Variants in STS observed in about 807,000 individuals in gnomAD.
STS encodes the protein steryl-sulfatase.
Under a neutral mutation model 26.8 loss-of-function variants are expected in STS, and 7 were observed. The observed-to-expected ratio is 0.26, with a 90% CI of 0.15 to 0.49. The LOEUF is 0.49. STS is among the 20% of genes least tolerant of loss of function. STS has a pLI of 0.98. For synonymous variants in STS, 199 were observed against 189.4 expected, an observed-to-expected ratio of 1.05 and a Z score of -0.42; for missense variants, 434 against 465.6, an observed-to-expected ratio of 0.93 and a Z score of 0.63.
At chrX:7,180,713 G>T (rs1933664235) in intron 1 of STS, among the ~76,000 whole-genome samples, 1 of 112,285 alleles carries the variant, frequency 8.9e-6, no homozygotes, top group Non-Finnish European at 1.9e-5. Flanking sequence ...TAGTGTGGGG[G>T]AGTGGAAATC....
chrX:7,321,566 A>G (rs1444073272), intron 8 of STS, among the ~76,000 whole-genome samples: 1 of 112,504 alleles, frequency 8.9e-6, no homozygotes, highest in East Asian at 2.8e-4. Flanking sequence ...TGAGCTTTTA[A>G]CAATGGAAAT....
chrX:7,319,741 A>T (rs1236006135), intron 8 of STS, among the ~76,000 whole-genome samples: 1 of 107,458 alleles, frequency 9.3e-6, no homozygotes, highest in African/African-American at 3.4e-5. Flanking sequence ...TTCTTTCAGG[A>T]CATAGACAAC....
intron 3 of STS, among the ~76,000 whole-genome samples, chrX:7,254,772 A>G (rs1364721797): frequency 1.8e-5 from 2 of 108,573 alleles, no homozygotes; most frequent in African/African-American, 6.7e-5. Context: ...TTTTGAAGAG[A>G]TGGGGTTTCA....
chrX:7,191,007 G>A lies in STS; in HGVS notation c.-6G>A, dbSNP rs1601639697. 3 of 752,857 alleles carry A rather than the reference G, an allele frequency of 4.0e-6. No individual in the cohort carries two copies. In the East Asian group the frequency reaches 4.5e-4, roughly 114 times the overall value. The allele number at this position is 752,857 out of a possible 1,213,427, so 62.0% of individuals were successfully genotyped here. A position where few individuals can be genotyped will look rare whatever the true frequency, so the allele number is the denominator to read the frequency against. On this transcript the variant is annotated splice_region_variant and 5_prime_UTR_variant, in exon 2 of 11. Coordinates refer to ENST00000674429, the MANE Select transcript of STS (RefSeq NM_001320752.2). ...GCAAGATCGTCTTCAGCTGTTCATA[G>A]CGTAAGTATGAGAGGTGCATATGTT...
At chrX:7,185,846 T>C (rs1933762848) in intron 1 of STS, among the ~76,000 whole-genome samples, 1 of 112,529 alleles carries the variant, frequency 8.9e-6, no homozygotes, top group South Asian at 3.7e-4. Flanking sequence ...AACATTTCCA[T>C]CATTGTGGAT....
chrX:7,204,951 C>G lies in STS; in HGVS notation c.-5+13943C>G, dbSNP rs775776734. Among the ~76,000 whole-genome samples, 13 of 110,283 alleles carry G rather than the reference C, an allele frequency of 1.2e-4. No homozygotes were observed. In the East Asian group the frequency reaches 2.6e-3, roughly 22 times the overall value. ...CAGTTACTTATGATATCCTTCTCCA[C>G]TCTGAGACCATGGATAGTCATGATT... On this transcript the variant is annotated intron_variant, in intron 2 of 10. Transcript: ENST00000674429.
chrX:7,240,487 ATATG>A (rs1402366254), intron 2 of STS, among the ~76,000 whole-genome samples: 27 of 54,362 alleles, frequency 5.0e-4, no homozygotes, highest in African/African-American at 1.6e-3. Flanking sequence ...ACACACACAG[ATATG>A]TATGTGTGTG....
intron 7 of STS, among the ~76,000 whole-genome samples, chrX:7,300,888 TCAGTTGAGAGAATCTG>T (rs1327567979): frequency 1.8e-5 from 2 of 111,287 alleles, no homozygotes; most frequent in African/African-American, 6.5e-5. Context: ...GCAGGATATT[TCAGTTGAGAGAATCTG>T]CATAATAAAT....
chrX:7,237,483 G>A (rs1019713030), intron 2 of STS, among the ~76,000 whole-genome samples: 11 of 111,819 alleles, frequency 9.8e-5, no homozygotes, highest in Non-Finnish European at 1.9e-4. Flanking sequence ...TCTGTGTATT[G>A]CATATTGCAA....
chrX:7,329,070 A>G (rs1331991992), intron 9 of STS, among the ~76,000 whole-genome samples: 2 of 111,934 alleles, frequency 1.8e-5, no homozygotes, highest in Non-Finnish European at 3.8e-5. Flanking sequence ...CCAGCTGTAA[A>G]ATGCCTTTGT....
At chrX:7,217,656 T>G (rs1255790659) in intron 2 of STS, among the ~76,000 whole-genome samples, 1 of 111,287 alleles carries the variant, frequency 9.0e-6, no homozygotes, top group Non-Finnish European at 1.9e-5. Flanking sequence ...TTGGTTTTCC[T>G]AAGGAATCTG....
At chrX:7,219,316 A>G (rs1186332729) in intron 2 of STS, 1 of 759,471 alleles carries the variant, frequency 1.3e-6, no homozygotes, top group Non-Finnish European at 1.7e-6. Flanking sequence ...TTGTGTCTGC[A>G]TTTATCTTTG....
intron 7 of STS, among the ~76,000 whole-genome samples, chrX:7,297,766 T>A (rs1265761318): frequency 8.9e-6 from 1 of 112,087 alleles, no homozygotes; most frequent in Non-Finnish European, 1.9e-5. Flanking sequence ...CAGACAAATT[T>A]GCATTTATTA....
intron 7 of STS, among the ~76,000 whole-genome samples, chrX:7,287,085 T>G (rs753942037): frequency 1.5e-4 from 17 of 111,370 alleles, no homozygotes; most frequent in African/African-American, 5.6e-4. Flanking sequence ...AGTTTATGCT[T>G]TTCTTGTGCC....
At chrX:7,316,249 C>A (rs1381567709) in intron 8 of STS, among the ~76,000 whole-genome samples, 1 of 112,137 alleles carries the variant, frequency 8.9e-6, no homozygotes, top group Non-Finnish European at 1.9e-5. Context: ...CCCCCCGATG[C>A]TGAAGGATTT....
chrX:7,255,018 G>A (rs1279963949), intron 3 of STS, among the ~76,000 whole-genome samples: 1 of 112,151 alleles, frequency 8.9e-6, no homozygotes, highest in Non-Finnish European at 1.9e-5. Context: ...AGAAATCTTG[G>A]ACAGTATATT....
At chrX:7,331,579 A>T (rs1175842460) in intron 9 of STS, among the ~76,000 whole-genome samples, 1 of 111,708 alleles carries the variant, frequency 9.0e-6, no homozygotes, top group East Asian at 2.8e-4. Flanking sequence ...GGATTGGCCC[A>T]TCTCCCCCAG....
At chrX:7,278,570 G>A (rs1371219963) in intron 7 of STS, among the ~76,000 whole-genome samples, 1 of 112,242 alleles carries the variant, frequency 8.9e-6, no homozygotes, top group Non-Finnish European at 1.9e-5. Flanking sequence ...GCCCGTGATT[G>A]TGGCTTACTG....
Position 7,148,136 on chromosome X carries a change from T to C in STS, c.-134+53T>C, listed in dbSNP as rs762220326. 10 of 1,086,701 alleles carry C rather than the reference T, an allele frequency of 9.2e-6. No individual in the cohort carries two copies. In the South Asian group the frequency reaches 1.9e-4, roughly 20 times the overall value. 89.6% of individuals were successfully genotyped at this position (1,086,701 alleles called of 1,213,427 possible). A position where few individuals can be genotyped will look rare whatever the true frequency, so the allele number is the denominator to read the frequency against. ...CATGGTGGCGCCTTCTGGGTCTGGGTGGGGGCGAGGAGGAAGTGCGCGCGC... is the reference window on the plus strand; with the variant it reads ...CATGGTGGCGCCTTCTGGGTCTGGGCGGGGGCGAGGAGGAAGTGCGCGCGC... On this transcript the variant is annotated intron_variant, in intron 1 of 10. Coordinates refer to ENST00000674429, the MANE Select transcript of STS (RefSeq NM_001320752.2).
Sources: allele counts gnomAD v4.1 joint callset (sites outside exome capture counted in the v4.1 genomes callset), GRCh38; gene constraint gnomAD v4.1.1; transcripts MANE v1.5; gene names NCBI Gene and HGNC (gene_info 2026-07-23, HGNC 2026-07-21).